SULT6B1: variants seen among roughly 807,000 people sequenced by gnomAD.
SULT6B1 encodes sulfotransferase 6B1.
SULT6B1 carries 44 observed loss-of-function variants against 37.2 expected under a neutral mutation model. That is an observed-to-expected ratio of 1.18 (90% CI 0.93 to 1.52). The LOEUF (loss-of-function observed/expected upper bound fraction) is 1.52. Among genes scored for constraint, SULT6B1 ranks in the 40% most tolerant of loss-of-function variants. The pLI is 0.00. For synonymous variants in SULT6B1, 140 were observed against 126.0 expected (o/e 1.11, Z -0.74); for missense variants, 450 against 361.0 (o/e 1.25, Z -2.00).
chr2:37,182,778 C>A (rs1676584852), intron 3 of SULT6B1, among the ~76,000 whole-genome samples: 1 of 152,070 alleles, frequency 6.6e-6, no homozygotes, highest in Admixed American at 6.6e-5. Flanking sequence ...AGAAATATAT[C>A]AATACTGATT....
chr2:37,171,214 T>C (rs1553342328), intron 6 of SULT6B1, among the ~76,000 whole-genome samples: 1 of 152,088 alleles, frequency 6.6e-6, no homozygotes, highest in Non-Finnish European at 1.5e-5. Context: ...CACTCCAGCC[T>C]GGGCAACAGA....
intron 5 of SULT6B1, 92 bp from the exon 6 acceptor site, chr2:37,171,682 C>T: frequency 8.2e-7 from 1 of 1,215,866 alleles, no homozygotes; most frequent in Non-Finnish European, 1.1e-6. Context: ...GTTATTCAGC[C>T]TAACTCCCTA....
upstream of SULT6B1, among the ~76,000 whole-genome samples, chr2:37,193,597 A>AAG (rs1553345837): frequency 9.6e-4 from 109 of 113,862 alleles, no homozygotes; most frequent in Admixed American, 2.0e-3. Context: ...AGAAGAAGAA[A>AAG]AAGAAGAAGA....
chr2:37,169,122 C>T (rs896208968), intron 6 of SULT6B1, among the ~76,000 whole-genome samples: 5 of 152,132 alleles, frequency 3.3e-5, no homozygotes, highest in Non-Finnish European at 5.9e-5. Context: ...GAATATCATA[C>T]GTTTTTAAAA....
In SULT6B1 at chr2:37,176,252, C is replaced by T. The variant is rs564614355; in HGVS notation, c.530-1026G>A. On this transcript the variant is annotated intron_variant, in intron 4 of 6. Transcript: ENST00000535679. ...AAACAGTGCCTGCTTCATAGTAACA[C>T]GCAATAGCTTTTTTTTTTTTTTTTT... 6.9e-4 allele frequency among the ~76,000 whole-genome samples: 100 copies of T among 144,204 alleles called. No individual in the cohort carries two copies. In the South Asian group the frequency reaches 0.02, roughly 29 times the overall value. 94.6% of individuals were successfully genotyped at this position (144,204 alleles called of 152,430 possible). A position where few individuals can be genotyped will look rare whatever the true frequency, so the allele number is the denominator to read the frequency against.
At chr2:37,174,648 T>C (rs1676375642) in intron 5 of SULT6B1, among the ~76,000 whole-genome samples, 1 of 152,222 alleles carries the variant, frequency 6.6e-6, no homozygotes, top group Non-Finnish European at 1.5e-5. Flanking sequence ...TGTATCATTC[T>C]TTCTTTCCAC....
intron 2 of SULT6B1, among the ~76,000 whole-genome samples, chr2:37,183,874 C>T (rs1445921992): frequency 6.6e-6 from 1 of 152,136 alleles, no homozygotes; most frequent in Non-Finnish European, 1.5e-5. Flanking sequence ...AAACTCCTGA[C>T]CTCAGGTAAT....
Position 37,188,535 on chromosome 2 carries a change from G to T in SULT6B1, c.106C>A (p.Pro36Thr), listed in dbSNP as rs773339526. Residue 36 changes from proline to threonine, a missense_variant, in exon 1 of 7, where the codon CCC (proline) becomes ACC (threonine). By Grantham distance (38) the Pro-to-Thr change is conservative. Transcript: ENST00000535679. ...GTTTCTGAGGTGCACATGGTGATGG[G>T]GTAAGGAATCCCCTGATAGGTGAAA... is the stretch of plus-strand genomic sequence containing the variant. ...LFFTYQGIPY[P>T]ITMCTSETFQ... The T allele has an allele frequency of 6.2e-7, 1 of 1,614,032 alleles. No homozygotes were observed. Among genetic ancestry groups the T allele is most frequent in the Admixed American group, 1.7e-5 (1 of 60,022 alleles).
At chr2:37,172,849 G>T (rs1676336108) in intron 5 of SULT6B1, among the ~76,000 whole-genome samples, 1 of 106,162 alleles carries the variant, frequency 9.4e-6, no homozygotes, top group Non-Finnish European at 1.9e-5. Context: ...TTTGTTTTTG[G>T]TTTTTCGTTT....
At chr2:37,194,918 TTCC>T (rs1676874497) in intron 1 of SULT6B1, among the ~76,000 whole-genome samples, 2 of 40,532 alleles carry the variant, frequency 4.9e-5, no homozygotes, top group African/African-American at 3.0e-4. Context: ...CCTTCCTTCC[TTCC>T]TTCCTTCCTT....
At chr2:37,176,521 A>C (rs1183798694) in intron 4 of SULT6B1, among the ~76,000 whole-genome samples, 1 of 152,048 alleles carries the variant, frequency 6.6e-6, no homozygotes, top group African/African-American at 2.4e-5. Context: ...CGGCCACCCA[A>C]AGTGCTGGGA....
intron 4 of SULT6B1, among the ~76,000 whole-genome samples, chr2:37,179,034 C>T (rs1426831930): frequency 1.3e-5 from 2 of 152,208 alleles, no homozygotes; most frequent in African/African-American, 4.8e-5. Flanking sequence ...TCTCAGCTCA[C>T]TGCAATCCCT....
At chr2:37,170,857 G>T (rs752448125) in intron 6 of SULT6B1, among the ~76,000 whole-genome samples, 2 of 151,642 alleles carry the variant, frequency 1.3e-5, no homozygotes, top group Non-Finnish European at 2.9e-5. Flanking sequence ...ATCTGAATTT[G>T]AACATAATAG....
intron 3 of SULT6B1, among the ~76,000 whole-genome samples, 156 bp from the exon 4 acceptor site, chr2:37,179,740 G>A (rs1460028385): frequency 2.0e-5 from 3 of 152,130 alleles, no homozygotes; most frequent in African/African-American, 7.2e-5. Context: ...AACAGGAGGT[G>A]GCTGATGGGG....
chr2:37,185,352 C>A (rs57999431), intron 2 of SULT6B1, among the ~76,000 whole-genome samples: 1 of 152,126 alleles, frequency 6.6e-6, no homozygotes, highest in Non-Finnish European at 1.5e-5. Flanking sequence ...AAAATATGTA[C>A]TCCAGAAAAG....
upstream of SULT6B1, among the ~76,000 whole-genome samples, chr2:37,191,712 C>A (rs994578767): frequency 6.6e-6 from 1 of 152,170 alleles, no homozygotes; most frequent in African/African-American, 2.4e-5. Flanking sequence ...GGCAGGTAGC[C>A]CCCTTAGCCT....
chr2:37,179,209 C>T (rs543591821), intron 4 of SULT6B1, among the ~76,000 whole-genome samples: 3 of 152,316 alleles, frequency 2.0e-5, no homozygotes, highest in Admixed American at 6.5e-5. Flanking sequence ...CTGCCCGCCT[C>T]GGCCTCCCAA....
Position 37,188,191 on chromosome 2 carries a change from C to A in SULT6B1, c.199+251G>T, listed in dbSNP as rs564229327. Among the ~76,000 whole-genome samples, 10 of 152,298 alleles carry A rather than the reference C, an allele frequency of 6.6e-5. No individual in the cohort carries two copies. In the East Asian group the frequency reaches 1.2e-3, roughly 18 times the overall value. ...TCCCTTCCAGGCCCGTCATCCACCCCCTTCTGCCCTCCATCCTCCATCATG... is the reference window on the plus strand; with the variant it reads ...TCCCTTCCAGGCCCGTCATCCACCCACTTCTGCCCTCCATCCTCCATCATG... On this transcript the variant is annotated intron_variant, in intron 1 of 6. Coordinates refer to ENST00000535679, the MANE Select transcript of SULT6B1 (RefSeq NM_001367551.1).
chr2:37,181,286 G>C (rs1056522966), intron 3 of SULT6B1, among the ~76,000 whole-genome samples: 1 of 152,182 alleles, frequency 6.6e-6, no homozygotes, highest in African/African-American at 2.4e-5. Flanking sequence ...GTAGCAATCT[G>C]TAAGTTTACA....
Sources: allele counts gnomAD v4.1 joint callset (sites outside exome capture counted in the v4.1 genomes callset), GRCh38; gene constraint gnomAD v4.1.1; transcripts MANE v1.5; gene names NCBI Gene and HGNC (gene_info 2026-07-23, HGNC 2026-07-21).